P2RY14: variants seen among roughly 807,000 people sequenced by gnomAD.
P2RY14 encodes P2Y purinoceptor 14.
P2RY14 carries 2 observed loss-of-function variants against 0.9 expected under a neutral mutation model. That is an observed-to-expected ratio of 2.16 (90% CI 0.88 to 6.79). The LOEUF is 6.79. Among genes scored for constraint, P2RY14 ranks in the 30% most tolerant of loss-of-function variants. The pLI is 0.05. For synonymous variants in P2RY14, 158 were observed against 147.2 expected, an observed-to-expected ratio of 1.07 and a Z score of -0.53; for missense variants, 378 against 400.1, an observed-to-expected ratio of 0.94 and a Z score of 0.47.
At chr3:151,276,279 G>C (rs1187069005) in intron 1 of P2RY14, among the ~76,000 whole-genome samples, 1 of 152,206 alleles carries the variant, frequency 6.6e-6, no homozygotes, top group African/African-American at 2.4e-5. Flanking sequence ...AAGCTCACTG[G>C]TGATGTTGAT....
intron 2 of P2RY14, among the ~76,000 whole-genome samples, chr3:151,218,259 C>A (rs1728618703): frequency 6.6e-6 from 1 of 152,140 alleles, no homozygotes; most frequent in South Asian, 2.1e-4. Flanking sequence ...TCAGTTGATT[C>A]ACTGTTTCTT....
intron 1 of P2RY14, among the ~76,000 whole-genome samples, chr3:151,244,761 T>A (rs528484233): frequency 4.8e-4 from 73 of 151,874 alleles, no homozygotes; most frequent in African/African-American, 1.7e-3. Context: ...AAGAAATAAC[T>A]AAAATCGGAG....
intron 1 of P2RY14, among the ~76,000 whole-genome samples, chr3:151,255,963 A>G (rs764039411): frequency 6.6e-5 from 10 of 152,194 alleles, no homozygotes; most frequent in Non-Finnish European, 1.5e-5. Flanking sequence ...TTTTCTTACT[A>G]TAATGCCTAG....
intron 1 of P2RY14, among the ~76,000 whole-genome samples, chr3:151,261,215 A>G (rs1466903061): frequency 1.3e-5 from 2 of 152,068 alleles, no homozygotes; most frequent in Non-Finnish European, 2.9e-5. Flanking sequence ...TTAGAGAGGT[A>G]TTTTGCATGA....
chr3:151,250,120 G>T (rs1251309975), intron 1 of P2RY14, among the ~76,000 whole-genome samples: 1 of 152,216 alleles, frequency 6.6e-6, no homozygotes, highest in East Asian at 1.9e-4. Flanking sequence ...TGCGTTTGCT[G>T]TCTCCACTTT....
Position 151,227,530 on chromosome 3 carries a change from C to A in P2RY14, c.-132-7888G>T, listed in dbSNP as rs115867637. Among the ~76,000 whole-genome samples the A allele has an allele frequency of 7.0e-3, 1,064 of 152,334 alleles. 8 individuals are homozygous for A. Among genetic ancestry groups the A allele is most frequent in the Non-Finnish European group, 0.012 (786 of 68,024 alleles). The stretch of plus-strand genomic sequence containing the variant: ...TTTTGGCATAGCTTGTGGCAGACTG[C>A]AAGTCTAGCATATTGGCATGTCTAA... On this transcript the variant is annotated intron_variant, in intron 1 of 2. Transcript: ENST00000309170.
chr3:151,262,175 G>T (rs1180016636), intron 1 of P2RY14, among the ~76,000 whole-genome samples: 1 of 152,182 alleles, frequency 6.6e-6, no homozygotes, highest in Non-Finnish European at 1.5e-5. Flanking sequence ...TTATACACTA[G>T]CAGGGAATTC....
chr3:151,217,667 C>G (rs149130284), intron 2 of P2RY14, among the ~76,000 whole-genome samples: 65 of 152,300 alleles, frequency 4.3e-4, no homozygotes, highest in African/African-American at 1.5e-3. Flanking sequence ...TGGTTTGATA[C>G]AGCAGAGGCT....
intron 1 of P2RY14, among the ~76,000 whole-genome samples, chr3:151,275,934 A>C (rs556166172): frequency 6.6e-6 from 1 of 152,248 alleles, no homozygotes; most frequent in East Asian, 1.9e-4. Flanking sequence ...TGGGTGTAGC[A>C]CCAGACTTGA....
intron 1 of P2RY14, among the ~76,000 whole-genome samples, chr3:151,271,162 C>T (rs1740873558): frequency 1.3e-5 from 2 of 151,934 alleles, no homozygotes; most frequent in African/African-American, 4.8e-5. Flanking sequence ...ATTTTCATTA[C>T]TCTATAATAA....
intron 1 of P2RY14, among the ~76,000 whole-genome samples, chr3:151,254,436 AT>A (rs1737433849): frequency 6.6e-6 from 1 of 152,206 alleles, no homozygotes; most frequent in African/African-American, 2.4e-5. Context: ...TCTTGGTCTA[AT>A]GAGGGCAGGC....
At chr3:151,275,967 G>A (rs576249263) in intron 1 of P2RY14, among the ~76,000 whole-genome samples, 1 of 152,288 alleles carries the variant, frequency 6.6e-6, no homozygotes, top group Admixed American at 6.5e-5. Flanking sequence ...ATCCCAAGTA[G>A]TAGACAGCAT....
intron 1 of P2RY14, among the ~76,000 whole-genome samples, chr3:151,276,483 G>A (rs1024518487): frequency 1.3e-5 from 2 of 152,132 alleles, no homozygotes; most frequent in South Asian, 4.1e-4. Context: ...CCTACCTCCT[G>A]GACTGGTCTG....
intron 1 of P2RY14, among the ~76,000 whole-genome samples, chr3:151,242,709 C>T (rs535489761): frequency 6.6e-5 from 10 of 152,342 alleles, no homozygotes; most frequent in African/African-American, 2.2e-4. Context: ...AAGAGAGCGC[C>T]TCTCCTCCTC....
chr3:151,269,701 G>A, intron 1 of P2RY14: 4 of 417,566 alleles, frequency 9.6e-6, no homozygotes, highest in South Asian at 7.6e-5. Context: ...TTTTTATTTT[G>A]ATGAAAATCT....
At chr3:151,252,697 C>T (rs1004325901) in intron 1 of P2RY14, among the ~76,000 whole-genome samples, 1 of 152,066 alleles carries the variant, frequency 6.6e-6, no homozygotes, top group African/African-American at 2.4e-5. Context: ...GCTTATGATG[C>T]ATGCAAATAG....
chr3:151,242,433 C>T (rs1368879054), intron 1 of P2RY14, among the ~76,000 whole-genome samples: 9 of 151,226 alleles, frequency 6.0e-5, no homozygotes, highest in Non-Finnish European at 1.2e-4. Context: ...ATCTGAGAAC[C>T]GGCAGACTGC....
At chr3:151,247,811 T>G (rs1735963785) in intron 1 of P2RY14, among the ~76,000 whole-genome samples, 1 of 152,050 alleles carries the variant, frequency 6.6e-6, no homozygotes, top group African/African-American at 2.4e-5. Context: ...AAGTTGCATT[T>G]TCTCCATTTA....
At chr3:151,263,288 A>T (rs1739239702) in intron 1 of P2RY14, among the ~76,000 whole-genome samples, 1 of 152,166 alleles carries the variant, frequency 6.6e-6, no homozygotes, top group Non-Finnish European at 1.5e-5. Flanking sequence ...ATGCCAGCTG[A>T]GTGGACCTCC....
Sources: gnomAD v4.1 joint callset for allele counts (sites outside exome capture counted in the v4.1 genomes callset) on GRCh38, gnomAD v4.1.1 for gene constraint, MANE v1.5 for transcripts, NCBI Gene and HGNC (gene_info 2026-07-23, HGNC 2026-07-21) for gene names.